The following DPH5 variants were observed in gnomAD, a reference collection of about 807,000 sequenced individuals.
DPH5 encodes the protein diphthine methyl ester synthase.
DPH5 carries 31 observed loss-of-function variants against 31.6 expected under a neutral mutation model. The ratio of observed to expected loss-of-function variants is 0.98; its 90% CI spans 0.74 to 1.32. The LOEUF (loss-of-function observed/expected upper bound fraction) is 1.32, where lower values mean the gene tolerates loss of function less well. Ranked by LOEUF, DPH5 falls within the 40% of genes most tolerant of loss-of-function variation. DPH5 has a pLI of 0.00. For missense variants in DPH5, 309 were observed against 335.7 expected (o/e 0.92, Z 0.62); for synonymous variants, 120 against 115.0 (o/e 1.04, Z -0.28).
At chr1:101,002,107 T>C (rs951451565) in intron 4 of DPH5, among the ~76,000 whole-genome samples, 2 of 152,158 alleles carry the variant, frequency 1.3e-5, no homozygotes, top group Admixed American at 6.5e-5. Flanking sequence ...AAGCATATGC[T>C]CACTCCTGTC....
At chr1:101,024,582 G>C (rs1263749651) in intron 2 of DPH5, among the ~76,000 whole-genome samples, 1 of 152,154 alleles carries the variant, frequency 6.6e-6, no homozygotes, top group Non-Finnish European at 1.5e-5. Flanking sequence ...CAATAAATCT[G>C]CTCCCTCCTC....
chr1:101,005,981 G>T (rs1659203376), intron 4 of DPH5, among the ~76,000 whole-genome samples: 3 of 152,094 alleles, frequency 2.0e-5, no homozygotes, highest in Non-Finnish European at 4.4e-5. Flanking sequence ...CACAAGATCT[G>T]ATGGTTTCAT....
intron 2 of DPH5, among the ~76,000 whole-genome samples, chr1:101,024,487 T>C (rs1660686118): frequency 6.6e-6 from 1 of 152,360 alleles, no homozygotes; most frequent in Admixed American, 6.5e-5. Flanking sequence ...CCAATTCAAG[T>C]AGCAGTTCTT....
chr1:101,018,995 G>A (rs1333789458), intron 3 of DPH5, among the ~76,000 whole-genome samples: 2 of 152,090 alleles, frequency 1.3e-5, no homozygotes, highest in Admixed American at 1.3e-4. Flanking sequence ...ATCTGTATAT[G>A]GATGCCACTA....
chr1:101,016,813 T>A (rs1660115386), intron 3 of DPH5, among the ~76,000 whole-genome samples: 2 of 152,158 alleles, frequency 1.3e-5, no homozygotes, highest in Non-Finnish European at 2.9e-5. Flanking sequence ...TGTGACTCTT[T>A]CACTTAAACA....
rs747830433 is a variant in DPH5 at position 101,021,623 on chromosome 1, A to G, written c.260+18T>C. On this transcript the variant is annotated intron_variant, in intron 3 of 7. Transcript: ENST00000370109. ...AAAGTAAATGAGTTAAAAACTCAAA[A>G]TATCTGCCTTGACTTACCCAAATGG... The G allele has an allele frequency of 3.1e-6, 5 of 1,595,736 alleles. No individual in the cohort carries two copies. Among genetic ancestry groups the G allele is most frequent in the South Asian group, 1.1e-5 (1 of 89,194 alleles).
At chr1:101,019,177 A>G (rs61780332) in intron 3 of DPH5, among the ~76,000 whole-genome samples, 15,705 of 152,272 alleles carry the variant, frequency 0.1, 1,022 homozygotes, top group Non-Finnish European at 0.15. Flanking sequence ...TGAGACTGTC[A>G]ACTCTCACAG....
Position 100,992,741 on chromosome 1 carries a change from C to T in DPH5, c.531-1G>A, listed in dbSNP as rs1657883419. 6.2e-7 allele frequency: 1 copy of T among 1,608,240 alleles called. No homozygotes were observed. The highest frequency in any genetic ancestry group is 1.3e-5 in the African/African-American group (1 of 74,798). ...TGGAGGTTCATAGATCTTCCTTCCC[C>T]TATAGGCAGAAAACTAGATGCCACT... On this transcript the variant is annotated splice_acceptor_variant, in intron 6 of 7. Transcript: ENST00000370109. LOFTEE classifies it high-confidence loss of function.
chr1:101,016,521 T>G (rs2101271043), intron 3 of DPH5, among the ~76,000 whole-genome samples: 1 of 150,798 alleles, frequency 6.6e-6, no homozygotes, highest in Non-Finnish European at 1.5e-5. Flanking sequence ...CTTGGCTCAC[T>G]GCAACCTCCA....
chr1:101,023,660 A>G (rs1389444039), intron 2 of DPH5, among the ~76,000 whole-genome samples: 3 of 152,266 alleles, frequency 2.0e-5, no homozygotes, highest in Non-Finnish European at 2.9e-5. Context: ...AAAACACTAC[A>G]TAACCCTCCA....
chr1:101,008,031 GA>G (rs1400233879), intron 4 of DPH5, among the ~76,000 whole-genome samples: 1 of 152,130 alleles, frequency 6.6e-6, no homozygotes, highest in Non-Finnish European at 1.5e-5. Flanking sequence ...ATTTTAATGT[GA>G]AAAATCCTAA....
chr1:101,023,744 C>G (rs1172988674), intron 2 of DPH5, among the ~76,000 whole-genome samples: 2 of 152,204 alleles, frequency 1.3e-5, no homozygotes, highest in African/African-American at 4.8e-5. Context: ...TTGACAATTT[C>G]TATTTCTGAA....
In DPH5 at chr1:101,010,433, C is replaced by T. The variant is rs145145760; in HGVS notation, c.369+3277G>A. Among the ~76,000 whole-genome samples the T allele has an allele frequency of 1.8e-3, 268 of 152,190 alleles. 1 individual carries two copies. The highest frequency in any genetic ancestry group is 6.1e-3 in the African/African-American group (254 of 41,550). The stretch of plus-strand genomic sequence containing the variant: ...CAATTTTTACCATCATAGTGATAAA[C>T]AAAAATTTTCTGTTGGCTAATAAAC... On this transcript the variant is annotated intron_variant, in intron 4 of 7. Transcript: ENST00000370109.
chr1:100,994,409 T>G (rs1465916336), intron 6 of DPH5, among the ~76,000 whole-genome samples: 1 of 152,172 alleles, frequency 6.6e-6, no homozygotes, highest in Non-Finnish European at 1.5e-5. Flanking sequence ...GGTACTGTAT[T>G]AGACACTGCC....
chr1:101,006,387 T>TA (rs975792747), intron 4 of DPH5, among the ~76,000 whole-genome samples: 1 of 151,894 alleles, frequency 6.6e-6, no homozygotes, highest in African/African-American at 2.4e-5. Context: ...GGTGGCTATT[T>TA]AAAAAAATAA....
intron 4 of DPH5, 71 bp downstream of exon 4, chr1:101,013,639 G>A (rs914491317): frequency 6.4e-5 from 67 of 1,039,812 alleles, no homozygotes; most frequent in Middle Eastern, 4.3e-4. Context: ...ACAATTAAAT[G>A]TATTTTCAAT....
intron 5 of DPH5, among the ~76,000 whole-genome samples, chr1:101,000,478 G>A (rs1197154668): frequency 6.6e-6 from 1 of 152,070 alleles, no homozygotes; most frequent in Non-Finnish European, 1.5e-5. Context: ...ACCCAACCAT[G>A]GTTCTTTACC....
In DPH5 at chr1:101,006,333, C is replaced by T. The variant is rs553592859; in HGVS notation, c.370-4746G>A. ...TAGAAGAATGGCACAATTATATTTA[C>T]GATTTAAAAAGAAAACTATGAAGTA... On this transcript the variant is annotated intron_variant, in intron 4 of 7. Coordinates refer to ENST00000370109, the MANE Select transcript of DPH5 (RefSeq NM_015958.3). 2.6e-5 allele frequency among the ~76,000 whole-genome samples: 4 copies of T among 151,154 alleles called. 1 individual carries two copies. The highest frequency in any genetic ancestry group is 4.9e-5 in the African/African-American group (2 of 41,120).
intron 4 of DPH5, among the ~76,000 whole-genome samples, chr1:101,006,631 A>G (rs1017442938): frequency 1.3e-5 from 2 of 152,168 alleles, no homozygotes; most frequent in African/African-American, 4.8e-5. Flanking sequence ...TTTCATGACT[A>G]CATTAGTCCC....
Sources: gnomAD v4.1 joint callset for allele counts (sites outside exome capture counted in the v4.1 genomes callset) on GRCh38, gnomAD v4.1.1 for gene constraint, MANE v1.5 for transcripts, NCBI Gene and HGNC (gene_info 2026-07-23, HGNC 2026-07-21) for gene names.